NDUFAF2: variants seen among roughly 807,000 people sequenced by gnomAD.
The protein encoded by NDUFAF2 is NADH dehydrogenase [ubiquinone] 1 alpha subcomplex assembly factor 2.
A neutral mutation model predicts 22.8 loss-of-function variants in NDUFAF2; 13 were observed. That is an observed-to-expected ratio of 0.57 (90% CI 0.37 to 0.91). NDUFAF2 has a LOEUF of 0.91. NDUFAF2 is among the 40% of genes least tolerant of loss of function. The pLI is 0.01. For missense variants in NDUFAF2, 162 were observed against 195.2 expected, an observed-to-expected ratio of 0.83 and a Z score of 1.01; for synonymous variants, 53 against 64.2, an observed-to-expected ratio of 0.83 and a Z score of 0.84.
At position 61,028,523 on chromosome 5, in the gene NDUFAF2, C is replaced by G. The variant is rs577462867; in HGVS notation, c.128-44602C>G. 4.6e-5 allele frequency among the ~76,000 whole-genome samples: 7 copies of G among 152,110 alleles called. No individual in the cohort carries two copies. In the South Asian group the frequency reaches 1.5e-3, roughly 32 times the overall value. ...AATAATAAACATCACTTAGGTCGGA[C>G]CTAAAGTATTATTGTTAATAACTGC... On this transcript the variant is annotated intron_variant, in intron 1 of 3. Transcript: ENST00000296597.
At chr5:61,051,030 A>G (rs1752018209) in intron 1 of NDUFAF2, among the ~76,000 whole-genome samples, 1 of 152,210 alleles carries the variant, frequency 6.6e-6, no homozygotes, top group Admixed American at 6.5e-5. Flanking sequence ...ATGCTATCAT[A>G]TGGATTAGCT....
At chr5:61,117,311 T>G (rs2111793541) in intron 3 of NDUFAF2, among the ~76,000 whole-genome samples, 1 of 152,280 alleles carries the variant, frequency 6.6e-6, no homozygotes, top group South Asian at 2.1e-4. Flanking sequence ...CAACTATTAT[T>G]TGTCATAACA....
chr5:60,982,231 G>A (rs981421322), intron 1 of NDUFAF2, among the ~76,000 whole-genome samples: 8 of 152,054 alleles, frequency 5.3e-5, no homozygotes, highest in Non-Finnish European at 1.0e-4. Context: ...CTGAGACAGG[G>A]CAATTTTCAA....
intron 3 of NDUFAF2, among the ~76,000 whole-genome samples, chr5:61,111,982 C>A (rs1752848123): frequency 6.6e-6 from 1 of 152,044 alleles, no homozygotes; most frequent in Non-Finnish European, 1.5e-5. Flanking sequence ...TGGTCTTGAA[C>A]TCTTGAGTTC....
rs188417828 is a variant in NDUFAF2 at position 60,962,251 on chromosome 5, C to G, written c.127+16869C>G. On this transcript the variant is annotated intron_variant, in intron 1 of 3. Transcript: ENST00000296597. ...AACTATGATAGCACAATATGACATT[C>G]TTCTTTTCACATTTGTCTCCATGGA... is the stretch of plus-strand genomic sequence containing the variant. 2.5e-3 allele frequency among the ~76,000 whole-genome samples: 382 copies of G among 151,198 alleles called. 1 individual carries two copies. Among genetic ancestry groups the G allele is most frequent in the African/African-American group, 8.6e-3 (355 of 41,122 alleles).
intron 1 of NDUFAF2, among the ~76,000 whole-genome samples, chr5:61,006,023 A>G (rs1381512320): frequency 1.3e-5 from 2 of 152,150 alleles, no homozygotes; most frequent in African/African-American, 2.4e-5. Context: ...GCCCATACCT[A>G]TGTCCTGAAT....
intron 2 of NDUFAF2, among the ~76,000 whole-genome samples, chr5:61,090,552 A>G (rs1395752732): frequency 6.6e-6 from 1 of 152,072 alleles, no homozygotes; most frequent in Non-Finnish European, 1.5e-5. Context: ...GCTAGAATTA[A>G]CTTCTACTCT....
intron 2 of NDUFAF2, among the ~76,000 whole-genome samples, chr5:61,092,011 G>A (rs2111756805): frequency 6.6e-6 from 1 of 152,226 alleles, no homozygotes; most frequent in South Asian, 2.1e-4. Context: ...TAGGTGTGCA[G>A]TCCTATTTCT....
intron 3 of NDUFAF2, among the ~76,000 whole-genome samples, chr5:61,131,819 G>A (rs1295613141): frequency 3.3e-5 from 5 of 152,124 alleles, no homozygotes; most frequent in Non-Finnish European, 5.9e-5. Flanking sequence ...GCAGGGGGAA[G>A]TCTATAATGA....
chr5:61,048,288 CAG>C (rs766501353), intron 1 of NDUFAF2, among the ~76,000 whole-genome samples: 2 of 152,190 alleles, frequency 1.3e-5, no homozygotes, highest in East Asian at 3.9e-4. Flanking sequence ...CAAGAAAAAA[CAG>C]ATAAATATTC....
At chr5:60,948,348 T>A (rs1750493460) in intron 1 of NDUFAF2, among the ~76,000 whole-genome samples, 1 of 152,134 alleles carries the variant, frequency 6.6e-6, no homozygotes, top group African/African-American at 2.4e-5. Context: ...GCCTCCCAAG[T>A]AACTGAGATG....
intron 1 of NDUFAF2, among the ~76,000 whole-genome samples, chr5:61,053,952 T>TA (rs938896942): frequency 1.4e-4 from 21 of 152,018 alleles, no homozygotes; most frequent in African/African-American, 4.8e-4. Flanking sequence ...TTAATTTTGG[T>TA]AAAAAATAAA....
chr5:61,077,256 A>T (rs1392263041), intron 2 of NDUFAF2, among the ~76,000 whole-genome samples: 2 of 152,156 alleles, frequency 1.3e-5, no homozygotes, highest in African/African-American at 4.8e-5. Context: ...AAATTCAAAC[A>T]CTGACCCTTA....
intron 1 of NDUFAF2, among the ~76,000 whole-genome samples, chr5:60,988,399 T>C (rs972090958): frequency 6.6e-6 from 1 of 152,110 alleles, no homozygotes; most frequent in Non-Finnish European, 1.5e-5. Context: ...AAACTACCAA[T>C]AGCATTATTC....
intron 1 of NDUFAF2, among the ~76,000 whole-genome samples, chr5:61,072,812 G>A (rs1448235057): frequency 6.6e-6 from 1 of 152,088 alleles, no homozygotes; most frequent in Non-Finnish European, 1.5e-5. Flanking sequence ...ATGTTGCCCA[G>A]GTTGATCTTG....
chr5:61,099,200 AAAT>A (rs1442546845), intron 3 of NDUFAF2, among the ~76,000 whole-genome samples, 168 bp downstream of exon 3: 1 of 150,596 alleles, frequency 6.6e-6, no homozygotes, highest in African/African-American at 2.4e-5. Context: ...ATTATTAATA[AAAT>A]AATATATGAT....
chr5:61,079,544 C>T (rs575055513), intron 2 of NDUFAF2, among the ~76,000 whole-genome samples: 25 of 152,178 alleles, frequency 1.6e-4, no homozygotes, highest in Non-Finnish European at 2.4e-4. Context: ...CACATTGCGA[C>T]GCAGAATCTC....
At chr5:61,044,133 T>G (rs1027213444) in intron 1 of NDUFAF2, among the ~76,000 whole-genome samples, 2 of 152,212 alleles carry the variant, frequency 1.3e-5, no homozygotes, top group African/African-American at 2.4e-5. Context: ...CATATACCTG[T>G]TGGCCGTTTA....
At chr5:61,014,493 T>C (rs943818405) in intron 1 of NDUFAF2, among the ~76,000 whole-genome samples, 6 of 152,150 alleles carry the variant, frequency 3.9e-5, no homozygotes, top group African/African-American at 1.4e-4. Context: ...TGAGCTGTGC[T>C]AGGAAATTAT....
Sources: allele counts gnomAD v4.1 joint callset (sites outside exome capture counted in the v4.1 genomes callset), GRCh38; gene constraint gnomAD v4.1.1; transcripts MANE v1.5; gene names NCBI Gene and HGNC (gene_info 2026-07-23, HGNC 2026-07-21).